The following FRMPD4 variants were observed in gnomAD, a reference collection of about 807,000 sequenced individuals.
FRMPD4 encodes FERM and PDZ domain containing 4, also known as FERM and PDZ domain-containing protein 4.
Under a neutral mutation model 94.1 loss-of-function variants are expected in FRMPD4, and 22 were observed. That is an observed-to-expected ratio of 0.23 (90% confidence interval 0.17 to 0.33). The LOEUF (loss-of-function observed/expected upper bound fraction) is 0.33. Ranked by LOEUF, FRMPD4 falls within the 10% of genes least tolerant of loss-of-function variation. The pLI, the probability that FRMPD4 is intolerant of heterozygous loss-of-function variation, is 1.00. For missense variants in FRMPD4, 1,111 were observed against 1,339.9 expected, an observed-to-expected ratio of 0.83 and a Z score of 2.67; for synonymous variants, 631 against 548.6, an observed-to-expected ratio of 1.15 and a Z score of -2.10.
chrX:12,659,939 A>C (rs1017268909), intron 4 of FRMPD4, among the ~76,000 whole-genome samples: 2 of 112,333 alleles, frequency 1.8e-5, no homozygotes, highest in African/African-American at 3.2e-5. Flanking sequence ...TTCCAAATTC[A>C]AAGTGCCAAA....
chrX:12,424,371 G>A (rs1234578331), intron 1 of FRMPD4, among the ~76,000 whole-genome samples: 1 of 112,763 alleles, frequency 8.9e-6, no homozygotes, highest in African/African-American at 3.2e-5. Flanking sequence ...TCCTTGAATA[G>A]TAGGACTTCA....
In FRMPD4 at chrX:12,717,733, C is replaced by T. The variant is rs776672547; in HGVS notation, c.2907C>T (p.His969=). The change falls in exon 16 of 17, where the codon CAC becomes CAT. Residue 969 remains histidine, a synonymous_variant. Transcript: ENST00000675598. The stretch of plus-strand genomic sequence containing the variant: ...GGGGCTTGCCTCCAAAGTCCTCGCA[C>T]GCCCTGGCTGCTAGGCCAGCAACCG... ...PAGGLPPKSS[H]ALAARPATDL... is the part of the protein sequence containing the mutation. 21 of 1,210,056 alleles carry T rather than the reference C, an allele frequency of 1.7e-5. No homozygotes were observed. The highest frequency in any genetic ancestry group is 4.4e-5 in the Admixed American group (2 of 45,935).
chrX:11,822,935 T>C (rs1249443290), intron 1 of FRMPD4, among the ~76,000 whole-genome samples: 1 of 112,006 alleles, frequency 8.9e-6, no homozygotes, highest in African/African-American at 3.2e-5. Context: ...TTAACTAAAC[T>C]TGTTTTCTGA....
intron 1 of FRMPD4, among the ~76,000 whole-genome samples, chrX:12,270,347 A>G (rs1285571526): frequency 9.0e-6 from 1 of 111,528 alleles, no homozygotes; most frequent in African/African-American, 3.3e-5. Flanking sequence ...ATCATTTTCT[A>G]TTCTCTTAAA....
At chrX:12,332,758 G>C (rs962229838) in intron 1 of FRMPD4, among the ~76,000 whole-genome samples, 1 of 111,452 alleles carries the variant, frequency 9.0e-6, no homozygotes, top group African/African-American at 3.3e-5. Context: ...ACTTAGCAAC[G>C]TAATTTAACG....
At chrX:12,312,834 C>A (rs1028485759) in intron 1 of FRMPD4, among the ~76,000 whole-genome samples, 1 of 102,901 alleles carries the variant, frequency 9.7e-6, no homozygotes, top group African/African-American at 3.4e-5. Flanking sequence ...CAAATTGACA[C>A]CATTCCCTGC....
chrX:12,331,949 T>C (rs1372506585), intron 1 of FRMPD4, among the ~76,000 whole-genome samples: 1 of 57,126 alleles, frequency 1.8e-5, no homozygotes, highest in African/African-American at 8.7e-5. Context: ...ATTATATATA[T>C]TTATATACTA....
At chrX:11,972,097 G>T (rs1038558986) in intron 3 of FRMPD4, among the ~76,000 whole-genome samples, 1 of 111,994 alleles carries the variant, frequency 8.9e-6, no homozygotes, top group East Asian at 2.8e-4. Flanking sequence ...AAAGAAGCTA[G>T]GTTCTTGACA....
intron 1 of FRMPD4, among the ~76,000 whole-genome samples, chrX:12,427,895 C>CTTTTTTT (rs1569272212): frequency 1.6e-5 from 1 of 60,798 alleles, no homozygotes; most frequent in Non-Finnish European, 3.0e-5. Context: ...TTCCTTTTTT[C>CTTTTTTT]TCTTTTTTTT....
At chrX:12,455,432 T>G (rs898527180) in intron 1 of FRMPD4, among the ~76,000 whole-genome samples, 3 of 112,026 alleles carry the variant, frequency 2.7e-5, no homozygotes, top group African/African-American at 9.7e-5. Context: ...GGTGATAGAT[T>G]GCTATTGCCC....
At position 11,903,954 on chromosome X, in the gene FRMPD4, A is replaced by AT. The variant is rs1301180320; in HGVS notation, c.95+25944dup. 7.3e-5 allele frequency among the ~76,000 whole-genome samples: 8 copies of AT among 109,782 alleles called. No homozygotes were observed. The East Asian group carries it at 8.6e-4, about 12-fold the overall frequency. On this transcript the variant is annotated intron_variant, in intron 3 of 18. Transcript: ENST00000640291. Reference sequence around the variant, plus strand: ...GCTGCCAAACCTGGCTAATTTTTTAATTTTTTTTGTAGTGATGGGGGTCTC... The same window carrying AT: ...GCTGCCAAACCTGGCTAATTTTTTAATTTTTTTTTGTAGTGATGGGGGTCTC...
rs957741793 is a variant in FRMPD4, at chrX:12,291,901, A to G, written c.41+152889A>G. Among the ~76,000 whole-genome samples, 3 of 111,870 alleles carry G rather than the reference A, an allele frequency of 2.7e-5. No homozygotes were observed. In the Admixed American group the frequency reaches 2.9e-4, roughly 11 times the overall value. On this transcript the variant is annotated intron_variant, in intron 1 of 16. Coordinates refer to ENST00000675598, the MANE Select transcript of FRMPD4 (RefSeq NM_001368397.1). ...TTGTTACCACATTACTGTAAGAGTT[A>G]TTTTCCTACAAAAGAAACAGCACTT...
intron 1 of FRMPD4, among the ~76,000 whole-genome samples, chrX:12,382,472 CTAGCATAGCATAGCATAGCATAGCA>C (rs201285510): frequency 3.3e-4 from 27 of 80,887 alleles, no homozygotes; most frequent in Non-Finnish European, 3.2e-4. Context: ...GGTGACTCTC[CTAGCATAGCATAGCATAGCATAGCA>C]TAGCATAGCA....
chrX:12,406,195 A>C (rs2056664978), intron 1 of FRMPD4, among the ~76,000 whole-genome samples: 1 of 111,015 alleles, frequency 9.0e-6, no homozygotes, highest in African/African-American at 3.3e-5. Flanking sequence ...CAAAAGACTT[A>C]TCTGGCCCCA....
intron 1 of FRMPD4, among the ~76,000 whole-genome samples, chrX:12,283,707 A>G (rs1414325896): frequency 9.1e-6 from 1 of 110,297 alleles, no homozygotes; most frequent in African/African-American, 3.3e-5. Flanking sequence ...AATGATGAAT[A>G]GCACCCTAGC....
At chrX:12,210,821 C>T (rs1270911959) in intron 1 of FRMPD4, among the ~76,000 whole-genome samples, 1 of 111,202 alleles carries the variant, frequency 9.0e-6, no homozygotes, top group Non-Finnish European at 1.9e-5. Flanking sequence ...TTAACATTCA[C>T]CAAATTTAAA....
At chrX:12,498,403 T>C (rs2057875757) in intron 1 of FRMPD4, among the ~76,000 whole-genome samples, 2 of 111,294 alleles carry the variant, frequency 1.8e-5, no homozygotes, top group Admixed American at 9.5e-5. Flanking sequence ...AGGCTGCCCA[T>C]TGCTACTGCT....
chrX:12,470,468 T>A (rs1422008777), intron 1 of FRMPD4, among the ~76,000 whole-genome samples: 1 of 112,126 alleles, frequency 8.9e-6, no homozygotes, highest in African/African-American at 3.2e-5. Flanking sequence ...TGGGAAAACA[T>A]GAATTATTCA....
At chrX:11,907,183 C>A (rs1478799718) in intron 3 of FRMPD4, among the ~76,000 whole-genome samples, 1 of 105,965 alleles carries the variant, frequency 9.4e-6, no homozygotes, top group Non-Finnish European at 2.0e-5. Flanking sequence ...TTTTTTAATT[C>A]TTAAACATGG....
Sources: gnomAD v4.1 joint callset for allele counts (sites outside exome capture counted in the v4.1 genomes callset) on GRCh38, gnomAD v4.1.1 for gene constraint, MANE v1.5 for transcripts, NCBI Gene and HGNC (gene_info 2026-07-23, HGNC 2026-07-21) for gene names.